The following GMPS variants were observed in gnomAD, a reference collection of about 807,000 sequenced individuals.
GMPS encodes GMP synthase [glutamine-hydrolyzing].
A neutral mutation model predicts 77.9 loss-of-function variants in GMPS; 15 were observed. The ratio of observed to expected loss-of-function variants is 0.19; its 90% CI spans 0.13 to 0.30. GMPS has a LOEUF of 0.30. Among genes scored for constraint, GMPS ranks in the 10% least tolerant of loss-of-function variants. GMPS has a pLI of 1.00. For missense variants in GMPS, 590 were observed against 838.8 expected, an observed-to-expected ratio of 0.70 and a Z score of 3.66; for synonymous variants, 224 against 275.9, an observed-to-expected ratio of 0.81 and a Z score of 1.86.
intron 5 of GMPS, 103 bp downstream of exon 5, chr3:155,906,366 T>C (rs1577516917): frequency 1.7e-6 from 1 of 576,494 alleles, no homozygotes; most frequent in East Asian, 2.9e-5. Context: ...CTTTTTCTTC[T>C]GATTTTTCTT....
At chr3:155,893,469 A>G in intron 1 of GMPS, 49 bp from the exon 2 acceptor site, 4 of 1,278,760 alleles carry the variant, frequency 3.1e-6, no homozygotes, top group South Asian at 2.9e-5. Context: ...TAAGTACTGT[A>G]GCTTTAATTT....
intron 1 of GMPS, among the ~76,000 whole-genome samples, chr3:155,876,111 A>G (rs577429108): frequency 6.6e-6 from 1 of 152,358 alleles, no homozygotes; most frequent in African/African-American, 2.4e-5. Context: ...TGTCTTCTGT[A>G]CATTATACAC....
rs564336500 is a variant in GMPS, at chr3:155,893,937, T to C, written c.209+238T>C. ...TATCATTTGAGTATTTTATGTTTTA[T>C]AGGATTTGTGGGTCAGAGTTAGATG... On this transcript the variant is annotated intron_variant, in intron 2 of 15. Coordinates refer to ENST00000496455, the MANE Select transcript of GMPS (RefSeq NM_003875.3). Among the ~76,000 whole-genome samples the C allele has an allele frequency of 8.5e-5, 13 of 152,354 alleles. No individual in the cohort carries two copies. The South Asian group carries it at 2.7e-3, about 32-fold the overall frequency.
chr3:155,917,663 G>A (rs934964087), intron 9 of GMPS, among the ~76,000 whole-genome samples: 10 of 151,652 alleles, frequency 6.6e-5, no homozygotes, highest in East Asian at 1.9e-4. Flanking sequence ...ACCTGGGGTC[G>A]GGAGTTTGAG....
At chr3:155,901,341 G>A (rs62286841) in intron 3 of GMPS, among the ~76,000 whole-genome samples, 8,290 of 151,902 alleles carry the variant, frequency 0.055, 315 homozygotes, top group East Asian at 0.18. Flanking sequence ...ACATTTTATT[G>A]TAAATTATTC....
intron 5 of GMPS, among the ~76,000 whole-genome samples, chr3:155,906,684 G>T (rs1320824071): frequency 1.3e-5 from 2 of 151,000 alleles, no homozygotes; most frequent in Non-Finnish European, 2.9e-5. Flanking sequence ...CCTGAACCAG[G>T]GTTGGCAAAC....
intron 1 of GMPS, among the ~76,000 whole-genome samples, 184 bp from the exon 2 acceptor site, chr3:155,893,334 G>A (rs529248357): frequency 5.2e-4 from 79 of 152,216 alleles, no homozygotes; most frequent in African/African-American, 1.8e-3. Flanking sequence ...TTTAATATAT[G>A]CCCATGCATG....
intron 4 of GMPS, 30 bp downstream of exon 4, chr3:155,903,990 T>C (rs1319233623): frequency 8.4e-6 from 7 of 834,454 alleles, no homozygotes; most frequent in East Asian, 8.0e-5. Flanking sequence ...ATAAGAACAA[T>C]AGTAATTAAC....
chr3:155,914,419 T>A lies in GMPS; in HGVS notation c.887T>A (p.Val296Glu). ...ALKKLGIQVK[V>E]INAAHSFYNG... ...AAAACGCTTCTCCCCTTTCCTCCAG[T>A]GATAAATGCTGCTCATTCTTTCTAC... is the stretch of plus-strand genomic sequence containing the variant. Residue 296 changes from valine (V) to glutamate (E), a missense_variant and splice_region_variant, in exon 8 of 16, where the codon GTG becomes GAG. Val to Glu is a moderately radical substitution (Grantham distance 121). Coordinates refer to ENST00000496455, the MANE Select transcript of GMPS (RefSeq NM_003875.3). 6.5e-7 allele frequency: 1 copy of A among 1,541,532 alleles called. No homozygotes were observed. The highest frequency in any genetic ancestry group is 1.3e-5 in the South Asian group (1 of 79,090).
chr3:155,893,434 C>A (rs1472907824), intron 1 of GMPS, 84 bp from the exon 2 acceptor site: 1 of 832,140 alleles, frequency 1.2e-6, no homozygotes, highest in Non-Finnish European at 1.8e-6. Context: ...GTTTTTGGAG[C>A]TGACAGTGAT....
Position 155,893,568 on chromosome 3 carries a change from A to C in GMPS, c.78A>C (p.Gly26=). The change falls in exon 2 of 16, where the codon GGA becomes GGC. Residue 26 remains glycine, a synonymous_variant. Transcript: ENST00000496455. ...DLKDGHHHYE[G]AVVILDAGAQ... is the part of the protein sequence containing the mutation. ...AGGATGGCCACCACCACTATGAAGG[A>C]GCTGTTGTCATTCTGGATGCTGGTG... is the stretch of plus-strand genomic sequence containing the variant. 1 of 1,612,842 alleles carries C rather than the reference A, an allele frequency of 6.2e-7. No individual in the cohort carries two copies. The highest frequency in any genetic ancestry group is 1.1e-5 in the South Asian group (1 of 91,052).
chr3:155,899,758 TC>T (rs1359665962), intron 3 of GMPS, among the ~76,000 whole-genome samples: 1 of 152,196 alleles, frequency 6.6e-6, no homozygotes, highest in Non-Finnish European at 1.5e-5. Context: ...TACCTGTTCA[TC>T]CCCCATATCC....
chr3:155,892,434 A>G (rs961604277), intron 1 of GMPS, among the ~76,000 whole-genome samples: 8 of 152,194 alleles, frequency 5.3e-5, no homozygotes, highest in Non-Finnish European at 1.2e-4. Flanking sequence ...TAATGTACCT[A>G]TCACCCAACT....
At chr3:155,871,156 C>T (rs1328614977) in intron 1 of GMPS, among the ~76,000 whole-genome samples, 2 of 152,034 alleles carry the variant, frequency 1.3e-5, no homozygotes, top group Non-Finnish European at 2.9e-5. Flanking sequence ...GCGGCCGCGT[C>T]GCTGGCCCCC....
intron 1 of GMPS, among the ~76,000 whole-genome samples, chr3:155,883,981 T>TA (rs539605433): frequency 6.6e-6 from 1 of 152,122 alleles, no homozygotes; most frequent in Non-Finnish European, 1.5e-5. Context: ...TACGCAAAGA[T>TA]AACCTTGTTC....
chr3:155,909,716 G>A (rs141263913), intron 5 of GMPS, among the ~76,000 whole-genome samples: 3 of 152,086 alleles, frequency 2.0e-5, no homozygotes, highest in African/African-American at 7.2e-5. Context: ...TTGGGAGGCC[G>A]AGGCAGGAGG....
chr3:155,891,459 AGTTT>A (rs1266093626), intron 1 of GMPS, among the ~76,000 whole-genome samples: 1 of 152,192 alleles, frequency 6.6e-6, no homozygotes, highest in Non-Finnish European at 1.5e-5. Context: ...ACAAAGTTGT[AGTTT>A]GTTCTGTGAT....
intron 1 of GMPS, among the ~76,000 whole-genome samples, chr3:155,871,115 G>A (rs958942170): frequency 6.6e-6 from 1 of 152,080 alleles, no homozygotes. Context: ...GCGTGTCGAG[G>A]TCCGGGCGTC....
At chr3:155,894,185 A>G (rs1020634650) in intron 2 of GMPS, among the ~76,000 whole-genome samples, 5 of 152,184 alleles carry the variant, frequency 3.3e-5, no homozygotes, top group Non-Finnish European at 5.9e-5. Context: ...CAGCCAGCTT[A>G]TGTAGTTTCT....
Sources: allele counts gnomAD v4.1 joint callset (sites outside exome capture counted in the v4.1 genomes callset), GRCh38; gene constraint gnomAD v4.1.1; transcripts MANE v1.5; gene names NCBI Gene and HGNC (gene_info 2026-07-23, HGNC 2026-07-21).